The following NOS1AP variants were observed in gnomAD, a reference collection of about 807,000 sequenced individuals.
NOS1AP encodes the protein nitric oxide synthase 1 adaptor protein, also known as carboxyl-terminal PDZ ligand of neuronal nitric oxide synthase protein.
NOS1AP carries 21 observed loss-of-function variants against 56.2 expected under a neutral mutation model. The observed-to-expected ratio is 0.37, with a 90% CI of 0.26 to 0.54. NOS1AP has a LOEUF of 0.54. Ranked by LOEUF, NOS1AP falls within the 20% of genes least tolerant of loss-of-function variation. The pLI, the probability that NOS1AP is intolerant of heterozygous loss-of-function variation, is 0.84. For synonymous variants in NOS1AP, 270 were observed against 274.6 expected (o/e 0.98, Z 0.17); for missense variants, 522 against 657.8 (o/e 0.79, Z 2.26).
chr1:162,201,979 A>T (rs1652008662), intron 2 of NOS1AP, among the ~76,000 whole-genome samples: 1 of 152,126 alleles, frequency 6.6e-6, no homozygotes, highest in South Asian at 2.1e-4. Context: ...TTCAGAGGAG[A>T]GTTGGAAAGC....
At chr1:162,271,136 G>C (rs1029742998) in intron 2 of NOS1AP, among the ~76,000 whole-genome samples, 2 of 152,062 alleles carry the variant, frequency 1.3e-5, no homozygotes, top group African/African-American at 4.8e-5. Flanking sequence ...TTAAATGGTC[G>C]TGGGGGGTGT....
intron 2 of NOS1AP, among the ~76,000 whole-genome samples, chr1:162,254,527 C>T (rs1478644759): frequency 2.0e-5 from 3 of 152,184 alleles, no homozygotes; most frequent in South Asian, 2.1e-4. Context: ...CAAGCTGGCT[C>T]CTCCACCACT....
intron 2 of NOS1AP, among the ~76,000 whole-genome samples, chr1:162,274,232 G>A (rs1654670577): frequency 6.6e-6 from 1 of 152,164 alleles, no homozygotes; most frequent in Non-Finnish European, 1.5e-5. Context: ...CGTCTGTTGT[G>A]CTGGACCCTG....
At chr1:162,205,775 A>G (rs1007642440) in intron 2 of NOS1AP, among the ~76,000 whole-genome samples, 1 of 152,220 alleles carries the variant, frequency 6.6e-6, no homozygotes, top group African/African-American at 2.4e-5. Context: ...GCCATCAAGC[A>G]AAATTCTGAA....
intron 6 of NOS1AP, among the ~76,000 whole-genome samples, chr1:162,350,466 G>A (rs548928913): frequency 6.6e-6 from 1 of 152,240 alleles, no homozygotes; most frequent in Admixed American, 6.5e-5. Flanking sequence ...AAGCCAGGTG[G>A]AGCCACTGCC....
chr1:162,327,261 G>A (rs904017331), intron 4 of NOS1AP, among the ~76,000 whole-genome samples: 4 of 152,018 alleles, frequency 2.6e-5, no homozygotes, highest in South Asian at 2.1e-4. Flanking sequence ...TTAAAAAACC[G>A]AAGTTCAAAA....
intron 2 of NOS1AP, among the ~76,000 whole-genome samples, chr1:162,240,217 G>C (rs1653445888): frequency 6.6e-6 from 1 of 151,316 alleles, no homozygotes; most frequent in Non-Finnish European, 1.5e-5. Context: ...ATTGGCTCAA[G>C]TCCCATTCCT....
At chr1:162,343,176 A>G (rs1657165049) in intron 5 of NOS1AP, among the ~76,000 whole-genome samples, 1 of 152,208 alleles carries the variant, frequency 6.6e-6, no homozygotes, top group Non-Finnish European at 1.5e-5. Flanking sequence ...AATACTGGGA[A>G]CTAGGGTCAA....
intron 6 of NOS1AP, among the ~76,000 whole-genome samples, chr1:162,345,067 C>A (rs990330545): frequency 6.6e-6 from 1 of 151,894 alleles, no homozygotes; most frequent in African/African-American, 2.4e-5. Flanking sequence ...ATGCCATATT[C>A]TTGGATGGGA....
intron 4 of NOS1AP, among the ~76,000 whole-genome samples, chr1:162,308,509 G>A (rs1009162435): frequency 6.6e-6 from 1 of 152,136 alleles, no homozygotes; most frequent in East Asian, 1.9e-4. Flanking sequence ...ATAACCAGGC[G>A]GGGCTGGTGC....
rs147665225 is a variant in NOS1AP at position 162,357,668 on chromosome 1, T to C, written c.939+532T>C. On this transcript the variant is annotated intron_variant, in intron 8 of 9. Transcript: ENST00000361897. The stretch of plus-strand genomic sequence containing the variant: ...ATTCCAGGCAGTATTTGATTGGAAT[T>C]CATTATTGTAGGATTTAACTTACAG... 9.6e-4 allele frequency among the ~76,000 whole-genome samples: 146 copies of C among 152,116 alleles called. 2 individuals carry two copies. Among genetic ancestry groups the C allele is most frequent in the Middle Eastern group, 3.4e-3 (1 of 294 alleles).
intron 1 of NOS1AP, among the ~76,000 whole-genome samples, chr1:162,072,416 T>A (rs1691679204): frequency 6.6e-6 from 1 of 152,198 alleles, no homozygotes; most frequent in Non-Finnish European, 1.5e-5. Flanking sequence ...TCTAAGCAAA[T>A]GTCTGGGGGC....
Position 162,320,683 on chromosome 1 carries a change from G to A in NOS1AP, c.345-12334G>A, listed in dbSNP as rs61808518. Among the ~76,000 whole-genome samples, 1,279 of 152,084 alleles carry A rather than the reference G, an allele frequency of 8.4e-3. 14 individuals are homozygous for A. Among genetic ancestry groups the A allele is most frequent in the Non-Finnish European group, 0.015 (1,004 of 67,976 alleles). ...ATCCTGGCCAACATGGTGAAACCCC[G>A]TCTCTACTAAAAATAGAAAAATTAG... On this transcript the variant is annotated intron_variant, in intron 4 of 9. Coordinates refer to ENST00000361897, the MANE Select transcript of NOS1AP (RefSeq NM_014697.3).
intron 5 of NOS1AP, among the ~76,000 whole-genome samples, chr1:162,339,070 G>A (rs1008842361): frequency 1.3e-5 from 2 of 152,174 alleles, no homozygotes; most frequent in Admixed American, 6.5e-5. Context: ...AAACATTGCT[G>A]TGTGTATAAG....
chr1:162,070,341 C>A, intron 1 of NOS1AP, 59 bp downstream of exon 1: 1 of 1,415,314 alleles, frequency 7.1e-7, no homozygotes, highest in Non-Finnish European at 1.0e-6. Flanking sequence ...CATGTTTGAG[C>A]GGATGGGATG....
In NOS1AP at chr1:162,319,348, C is replaced by T. The variant is rs147684699; in HGVS notation, c.345-13669C>T. ...TGGTGGCCTTCCTTCTGCTCCTGCC[C>T]TCCTCCAATCCATCCTCCACACCAC... On this transcript the variant is annotated intron_variant, in intron 4 of 9. Transcript: ENST00000361897. 9.0e-3 allele frequency among the ~76,000 whole-genome samples: 1,366 copies of T among 152,106 alleles called. 12 individuals carry two copies. The highest frequency in any genetic ancestry group is 0.012 in the Non-Finnish European group (813 of 67,990).
intron 2 of NOS1AP, among the ~76,000 whole-genome samples, chr1:162,183,815 T>C (rs991558356): frequency 3.3e-5 from 5 of 152,014 alleles, no homozygotes; most frequent in Non-Finnish European, 5.9e-5. Context: ...TTGTGGCTGG[T>C]TTGATTTGTC....
At chr1:162,323,725 G>A (rs1284483745) in intron 4 of NOS1AP, among the ~76,000 whole-genome samples, 1 of 152,208 alleles carries the variant, frequency 6.6e-6, no homozygotes, top group Admixed American at 6.5e-5. Flanking sequence ...TAACAGTCCT[G>A]TGAACCTCTT....
At chr1:162,313,891 T>A (rs1231814267) in intron 4 of NOS1AP, among the ~76,000 whole-genome samples, 2 of 152,144 alleles carry the variant, frequency 1.3e-5, no homozygotes, top group African/African-American at 4.8e-5. Context: ...GATTTTAAAT[T>A]CAGTCATCCT....
Sources: gnomAD v4.1 joint callset for allele counts (sites outside exome capture counted in the v4.1 genomes callset) on GRCh38, gnomAD v4.1.1 for gene constraint, MANE v1.5 for transcripts, NCBI Gene and HGNC (gene_info 2026-07-23, HGNC 2026-07-21) for gene names.